Variants in RABGAP1L observed in about 807,000 individuals in gnomAD.
The protein encoded by RABGAP1L is RAB GTPase activating protein 1 like.
Under a neutral mutation model 137.7 loss-of-function variants are expected in RABGAP1L, and 63 were observed. That is an observed-to-expected ratio of 0.46 (90% CI 0.37 to 0.56). RABGAP1L has a LOEUF of 0.56. RABGAP1L is among the 20% of genes least tolerant of loss of function. The pLI is 0.00. For synonymous variants in RABGAP1L, 431 were observed against 433.7 expected (o/e 0.99, Z 0.08); for missense variants, 1,095 against 1,244.0 (o/e 0.88, Z 1.80).
chr1:174,838,314 T>C (rs1692969576), intron 19 of RABGAP1L, among the ~76,000 whole-genome samples: 1 of 152,194 alleles, frequency 6.6e-6, no homozygotes, highest in Non-Finnish European at 1.5e-5. Context: ...GGAGTTTCTG[T>C]ATACCCAGAG....
At chr1:174,921,173 G>A (rs750133159) in intron 19 of RABGAP1L, among the ~76,000 whole-genome samples, 4 of 152,182 alleles carry the variant, frequency 2.6e-5, no homozygotes, top group East Asian at 3.9e-4. Context: ...TCCACCTGCC[G>A]CGGCCTCCCA....
At chr1:174,737,189 T>C (rs113863889) in intron 17 of RABGAP1L, among the ~76,000 whole-genome samples, 5 of 152,294 alleles carry the variant, frequency 3.3e-5, no homozygotes, top group African/African-American at 1.2e-4. Flanking sequence ...CTTTTAAATA[T>C]AGGTTCCAGT....
At chr1:174,532,745 G>A (rs929308179) in intron 13 of RABGAP1L, among the ~76,000 whole-genome samples, 6 of 152,236 alleles carry the variant, frequency 3.9e-5, no homozygotes, top group Non-Finnish European at 8.8e-5. Context: ...CATCCAGATA[G>A]TGTATTACAT....
At chr1:174,569,531 G>T (rs1667828002) in intron 13 of RABGAP1L, among the ~76,000 whole-genome samples, 1 of 152,096 alleles carries the variant, frequency 6.6e-6, no homozygotes, top group African/African-American at 2.4e-5. Flanking sequence ...CTGCTCTCTG[G>T]GGTTTCCTCT....
chr1:174,654,640 A>G (rs983831492), intron 14 of RABGAP1L, among the ~76,000 whole-genome samples: 4 of 152,156 alleles, frequency 2.6e-5, no homozygotes, highest in African/African-American at 7.2e-5. Context: ...TTTAAAAAAA[A>G]TATGGTGTTC....
At chr1:174,166,383 A>C (rs1175669273) in intron 1 of RABGAP1L, among the ~76,000 whole-genome samples, 1 of 152,240 alleles carries the variant, frequency 6.6e-6, no homozygotes, top group Non-Finnish European at 1.5e-5. Context: ...TAGTTCAGGC[A>C]GAAGGGTAGT....
chr1:174,386,197 A>G (rs952991705), intron 12 of RABGAP1L, among the ~76,000 whole-genome samples: 2 of 152,204 alleles, frequency 1.3e-5, no homozygotes, highest in Non-Finnish European at 1.5e-5. Flanking sequence ...TGTACTTACT[A>G]TGTGCCAGGT....
intron 13 of RABGAP1L, among the ~76,000 whole-genome samples, chr1:174,480,279 T>G (rs780816843): frequency 1.3e-5 from 2 of 152,214 alleles, no homozygotes; most frequent in South Asian, 2.1e-4. Flanking sequence ...TTTAGAATAC[T>G]TGGTTCAGCA....
In RABGAP1L at chr1:174,553,827, C is replaced by T. The variant is rs77275674; in HGVS notation, c.1711-83548C>T. 7.6e-3 allele frequency among the ~76,000 whole-genome samples: 1,159 copies of T among 152,204 alleles called. 15 individuals carry two copies. The highest frequency in any genetic ancestry group is 0.027 in the African/African-American group (1,119 of 41,524). On this transcript the variant is annotated intron_variant, in intron 13 of 25. Transcript: ENST00000681986. ...ACCAGCCTGGGCAATATGGCGAAAT[C>T]CCATCTCTGCAAAAATTAGCTGGAC... is the stretch of plus-strand genomic sequence containing the variant.
chr1:174,407,688 G>T (rs1276561608), intron 13 of RABGAP1L, among the ~76,000 whole-genome samples: 1 of 152,054 alleles, frequency 6.6e-6, no homozygotes, highest in Non-Finnish European at 1.5e-5. Flanking sequence ...GTGGACATCC[G>T]CAGCTGCAGA....
chr1:174,452,049 C>T (rs1655510692), intron 13 of RABGAP1L, among the ~76,000 whole-genome samples: 1 of 152,092 alleles, frequency 6.6e-6, no homozygotes, highest in East Asian at 1.9e-4. Context: ...CTAGGACAAA[C>T]CACTTAACTT....
At chr1:174,565,124 A>AT (rs1667484095) in intron 13 of RABGAP1L, among the ~76,000 whole-genome samples, 2 of 152,112 alleles carry the variant, frequency 1.3e-5, no homozygotes, top group Non-Finnish European at 2.9e-5. Context: ...GGTTTAATAG[A>AT]TTGGAAGAAG....
At chr1:174,940,410 A>C (rs1573926878) in intron 19 of RABGAP1L, among the ~76,000 whole-genome samples, 1 of 152,076 alleles carries the variant, frequency 6.6e-6, no homozygotes, top group East Asian at 1.9e-4. Context: ...CTGGGACTAC[A>C]GGCACATACC....
intron 13 of RABGAP1L, among the ~76,000 whole-genome samples, chr1:174,553,003 A>G (rs1572297091): frequency 6.6e-6 from 1 of 152,034 alleles, no homozygotes; most frequent in South Asian, 2.1e-4. Context: ...TTTTTTCCAT[A>G]TTATTTTTGG....
intron 1 of RABGAP1L, among the ~76,000 whole-genome samples, chr1:174,206,316 A>C (rs1168181480): frequency 6.6e-6 from 1 of 152,214 alleles, no homozygotes; most frequent in Non-Finnish European, 1.5e-5. Flanking sequence ...ACTTGTGTAC[A>C]TGCATACATA....
intron 20 of RABGAP1L, among the ~76,000 whole-genome samples, chr1:174,963,283 A>G (rs1158790730): frequency 6.6e-6 from 1 of 152,168 alleles, no homozygotes; most frequent in Non-Finnish European, 1.5e-5. Context: ...AAACTTCAGA[A>G]GTCTTCCACT....
chr1:174,458,562 G>A (rs969472), intron 13 of RABGAP1L, among the ~76,000 whole-genome samples: 53,566 of 151,744 alleles, frequency 0.35, 12,098 homozygotes, highest in African/African-American at 0.64. Flanking sequence ...TGGTTTTTCA[G>A]CTATATACCT....
intron 10 of RABGAP1L, among the ~76,000 whole-genome samples, chr1:174,279,883 A>C (rs1675343394): frequency 1.3e-5 from 2 of 152,176 alleles, no homozygotes; most frequent in Non-Finnish European, 2.9e-5. Flanking sequence ...TTTTGAGCCA[A>C]AGAATTATTC....
chr1:174,173,342 C>G (rs1258819037), intron 1 of RABGAP1L, among the ~76,000 whole-genome samples: 1 of 151,862 alleles, frequency 6.6e-6, no homozygotes, highest in African/African-American at 2.4e-5. Context: ...GTTGGTCAGG[C>G]TGGTCTCAAA....
Sources: gnomAD v4.1 joint callset for allele counts (sites outside exome capture counted in the v4.1 genomes callset) on GRCh38, gnomAD v4.1.1 for gene constraint, MANE v1.5 for transcripts, NCBI Gene and HGNC (gene_info 2026-07-23, HGNC 2026-07-21) for gene names.